The following STXBP5L variants were observed in gnomAD, a reference collection of about 807,000 sequenced individuals.
STXBP5L encodes the protein syntaxin binding protein 5L, also known as syntaxin-binding protein 5-like.
STXBP5L carries 65 observed loss-of-function variants against 144.5 expected under a neutral mutation model. That is an observed-to-expected ratio of 0.45 (90% confidence interval 0.37 to 0.55). The LOEUF is 0.55. STXBP5L is among the 20% of genes least tolerant of loss of function. STXBP5L has a pLI of 0.00. For synonymous variants in STXBP5L, 505 were observed against 469.6 expected (o/e 1.08, Z -0.97); for missense variants, 1,298 against 1,405.5 (o/e 0.92, Z 1.22).
chr3:120,994,266 G>A (rs1319338398), intron 3 of STXBP5L, among the ~76,000 whole-genome samples: 1 of 151,858 alleles, frequency 6.6e-6, no homozygotes, highest in East Asian at 1.9e-4. Context: ...TTTCTAATTT[G>A]GATGCCTTTT....
intron 9 of STXBP5L, among the ~76,000 whole-genome samples, chr3:121,178,621 C>G (rs979803241): frequency 2.0e-5 from 3 of 152,110 alleles, no homozygotes; most frequent in African/African-American, 4.8e-5. Context: ...TGGGGAGAAT[C>G]TGCCTCTGAA....
intron 5 of STXBP5L, among the ~76,000 whole-genome samples, chr3:121,051,053 C>A (rs1015226919): frequency 6.6e-6 from 1 of 152,180 alleles, no homozygotes; most frequent in East Asian, 1.9e-4. Flanking sequence ...AATATATATG[C>A]ACCCAATACA....
chr3:121,008,089 C>T (rs1174814527), intron 3 of STXBP5L, among the ~76,000 whole-genome samples: 2 of 151,788 alleles, frequency 1.3e-5, no homozygotes, highest in Non-Finnish European at 2.9e-5. Context: ...GGTTTCTTTC[C>T]TACTGGGTTT....
At chr3:120,950,002 C>T (rs1423037794) in intron 2 of STXBP5L, among the ~76,000 whole-genome samples, 1 of 151,730 alleles carries the variant, frequency 6.6e-6, no homozygotes, top group East Asian at 1.9e-4. Context: ...GTCTACCTTT[C>T]CACAGTGTAG....
chr3:121,347,430 T>C (rs1005143071), intron 20 of STXBP5L, among the ~76,000 whole-genome samples: 18 of 150,472 alleles, frequency 1.2e-4, no homozygotes, highest in African/African-American at 4.4e-4. Flanking sequence ...TGACTTGGAT[T>C]GACTTGTGGC....
At chr3:121,173,616 C>T (rs973843397) in intron 9 of STXBP5L, among the ~76,000 whole-genome samples, 11 of 151,816 alleles carry the variant, frequency 7.2e-5, no homozygotes, top group Non-Finnish European at 1.3e-4. Flanking sequence ...CGATTAACAA[C>T]TATTTTGTGT....
At chr3:121,016,428 G>A (rs1387202813) in intron 3 of STXBP5L, among the ~76,000 whole-genome samples, 2 of 152,264 alleles carry the variant, frequency 1.3e-5, no homozygotes, top group African/African-American at 4.8e-5. Flanking sequence ...GATTCAAAAG[G>A]AAATTCTAGA....
chr3:121,181,122 AAGAAGAGAAAAGAAG>A (rs1391292319), intron 9 of STXBP5L, among the ~76,000 whole-genome samples: 1 of 147,254 alleles, frequency 6.8e-6, no homozygotes, highest in African/African-American at 2.5e-5. Flanking sequence ...AAGAAAACAA[AAGAAGAGAAAAGAAG>A]AGAAGAGAGG....
At chr3:121,012,685 T>A (rs914516862) in intron 3 of STXBP5L, among the ~76,000 whole-genome samples, 2 of 151,800 alleles carry the variant, frequency 1.3e-5, no homozygotes, top group Non-Finnish European at 2.9e-5. Context: ...TTATTATTGT[T>A]ATTATTATTC....
Position 121,259,143 on chromosome 3 carries a change from C to A in STXBP5L, c.1933C>A (p.Leu645Ile). The change falls in exon 18 of 27, where the codon CTT (leucine) becomes ATT (isoleucine). Residue 645 changes from leucine to isoleucine, a missense_variant. Transcript: ENST00000471454. Reference sequence around the variant, plus strand: ...TGAACCTCCACAACAGATTACTAGTCTTGCTGTAAGCTCAGCATATGGAAT... The same window carrying A: ...TGAACCTCCACAACAGATTACTAGTATTGCTGTAAGCTCAGCATATGGAAT... Reference protein sequence around the residue: ...DGEPPQQITSLAVSSAYGIVA... With the variant: ...DGEPPQQITSIAVSSAYGIVA... 6.3e-7 allele frequency: 1 copy of A among 1,593,994 alleles called. No individual in the cohort carries two copies. Among genetic ancestry groups the A allele is most frequent in the South Asian group, 1.2e-5 (1 of 86,798 alleles).
intron 20 of STXBP5L, among the ~76,000 whole-genome samples, chr3:121,351,615 A>G (rs1450919155): frequency 1.3e-5 from 2 of 152,154 alleles, no homozygotes. Flanking sequence ...GGTAGATTGC[A>G]AAAATTTTCT....
At chr3:121,398,374 C>T (rs2108726354) in intron 22 of STXBP5L, among the ~76,000 whole-genome samples, 2 of 152,340 alleles carry the variant, frequency 1.3e-5, no homozygotes, top group South Asian at 4.1e-4. Context: ...GCACTACCGG[C>T]TGTGGTGGGG....
At chr3:121,331,338 G>GA (rs2044315666) in intron 20 of STXBP5L, among the ~76,000 whole-genome samples, 1 of 152,180 alleles carries the variant, frequency 6.6e-6, no homozygotes, top group Non-Finnish European at 1.5e-5. Context: ...AGACACAGTT[G>GA]AGGCTTCTCC....
chr3:121,340,313 G>A (rs903357432), intron 20 of STXBP5L, among the ~76,000 whole-genome samples: 1 of 151,910 alleles, frequency 6.6e-6, no homozygotes, highest in Non-Finnish European at 1.5e-5. Context: ...TTTTTTTCAA[G>A]GTAGTAATGT....
At position 120,990,250 on chromosome 3, in the gene STXBP5L, G is replaced by C. The variant is rs187227757; in HGVS notation, c.287+35213G>C. Among the ~76,000 whole-genome samples, 16 of 152,224 alleles carry C rather than the reference G, an allele frequency of 1.1e-4. No individual in the cohort carries two copies. In the East Asian group the frequency reaches 2.9e-3, roughly 28 times the overall value. On this transcript the variant is annotated intron_variant, in intron 3 of 26. Coordinates refer to ENST00000471454, the MANE Select transcript of STXBP5L (RefSeq NM_001308330.2). Reference sequence around the variant, plus strand: ...AAAATCCTAGGAATCCAACTTACAAGGGACGTGAAGGACCTCTTCAAGGAG... The same window carrying C: ...AAAATCCTAGGAATCCAACTTACAACGGACGTGAAGGACCTCTTCAAGGAG...
chr3:120,969,243 G>A (rs1443294188), intron 3 of STXBP5L, among the ~76,000 whole-genome samples: 2 of 152,014 alleles, frequency 1.3e-5, no homozygotes, highest in Non-Finnish European at 2.9e-5. Context: ...ATGCTTGCAG[G>A]AGTAAGGTGT....
chr3:120,992,865 G>C (rs928360553), intron 3 of STXBP5L, among the ~76,000 whole-genome samples: 1 of 151,964 alleles, frequency 6.6e-6, no homozygotes, highest in Non-Finnish European at 1.5e-5. Context: ...TTAGCTTTTT[G>C]AGGAACCTTA....
Position 121,070,315 on chromosome 3 carries a change from T to C in STXBP5L, c.470+24780T>C, listed in dbSNP as rs148458707. ...CCTAAACTTATTGGTATTGTGACCC[T>C]GCAGCCATGCAGGAACTCACTGGGC... is the stretch of plus-strand genomic sequence containing the variant. On this transcript the variant is annotated intron_variant, in intron 5 of 26. Transcript: ENST00000471454. Among the ~76,000 whole-genome samples, 1,172 of 152,344 alleles carry C rather than the reference T, an allele frequency of 7.7e-3. 11 individuals carry two copies. Among genetic ancestry groups the C allele is most frequent in the Non-Finnish European group, 0.011 (715 of 68,034 alleles).
Position 121,226,698 on chromosome 3 carries a change from T to C in STXBP5L, c.1111+3541T>C, listed in dbSNP as rs142510671. 4.9e-4 allele frequency among the ~76,000 whole-genome samples: 74 copies of C among 152,278 alleles called. 1 individual carries two copies. Among genetic ancestry groups the C allele is most frequent in the African/African-American group, 1.8e-3 (73 of 41,576 alleles). ...AGAATTCAGAATCTAGTCCAGTCTA[T>C]AGCCAAATAACAAGGACTTTAGGGC... On this transcript the variant is annotated intron_variant, in intron 11 of 26. Coordinates refer to ENST00000471454, the MANE Select transcript of STXBP5L (RefSeq NM_001308330.2).
Sources: allele counts gnomAD v4.1 joint callset (sites outside exome capture counted in the v4.1 genomes callset), GRCh38; gene constraint gnomAD v4.1.1; transcripts MANE v1.5; gene names NCBI Gene and HGNC (gene_info 2026-07-23, HGNC 2026-07-21).